PEX6: variants seen among roughly 807,000 people sequenced by gnomAD.
PEX6 encodes the protein peroxisomal biogenesis factor 6, also known as peroxisome biogenesis factor 6.
A neutral mutation model predicts 85.6 loss-of-function variants in PEX6; 55 were observed. The ratio of observed to expected loss-of-function variants is 0.64; its 90% CI spans 0.52 to 0.80. PEX6 has a LOEUF of 0.80. Ranked by LOEUF, PEX6 falls within the 30% of genes least tolerant of loss-of-function variation. The pLI is 0.00. For synonymous variants in PEX6, 519 were observed against 549.1 expected (o/e 0.95, Z 0.77); for missense variants, 1,099 against 1,260.3 (o/e 0.87, Z 1.94).
At position 42,966,380 on chromosome 6, in the gene PEX6, A is replaced by G; in HGVS notation, c.2162T>C (p.Ile721Thr). The part of the protein sequence containing the change: ...QEVKKEILET[I>T]QLPLEHPELL... Reference sequence around the variant, plus strand: ...CTCAGGGTGCTCCAGGGGGAGCTGAATGGTCTCCAGGATCTCCTTCTTCAC... The same window carrying G: ...CTCAGGGTGCTCCAGGGGGAGCTGAGTGGTCTCCAGGATCTCCTTCTTCAC... Residue 721 changes from isoleucine (I) to threonine (T), a missense_variant, in exon 11 of 17, where the codon ATT becomes ACT. Coordinates refer to ENST00000304611, the MANE Select transcript of PEX6 (RefSeq NM_000287.4). 1.9e-6 allele frequency: 3 copies of G among 1,614,044 alleles called. No homozygotes were observed. The highest frequency in any genetic ancestry group is 4.5e-5 in the East Asian group (2 of 44,872).
chr6:42,968,319 G>A lies in PEX6; in HGVS notation c.1659C>T (p.His553=), dbSNP rs1406080386. Residue 553 remains histidine, a synonymous_variant, in exon 7 of 17, where the codon CAC becomes CAT. Coordinates refer to ENST00000304611, the MANE Select transcript of PEX6 (RefSeq NM_000287.4). ...EDARVMAVLR[H]LLLNEDPLNS... ...TGAGGGGGTCCTCATTGAGGAGGAG[G>A]TGACGCAGCACAGCCATCACACGGG... 4.3e-6 allele frequency: 7 copies of A among 1,614,174 alleles called. No homozygotes were observed. The highest frequency in any genetic ancestry group is 5.9e-6 in the Non-Finnish European group (7 of 1,180,044).
rs775005528 is a variant in PEX6 at position 42,967,570 on chromosome 6, A to T, written c.1689-7T>A. 6.3e-7 allele frequency: 1 copy of T among 1,593,798 alleles called. No homozygotes were observed. The highest frequency in any genetic ancestry group is 8.5e-7 in the Non-Finnish European group (1 of 1,171,314). On this transcript the variant is annotated splice_polypyrimidine_tract_variant and splice_region_variant and intron_variant, in intron 7 of 16. Coordinates refer to ENST00000304611, the MANE Select transcript of PEX6 (RefSeq NM_000287.4). ...AACCATGAGGGGAGGGCAGCTGCAG[A>T]CAGAGGAGTGGGCACTGAGGGTGAG... is the stretch of plus-strand genomic sequence containing the variant.
At chr6:42,969,834 A>G in intron 4 of PEX6, 33 bp from the exon 5 acceptor site, 1 of 1,614,016 alleles carries the variant, frequency 6.2e-7, no homozygotes, top group African/African-American at 1.3e-5. Flanking sequence ...TTCGTTTCTA[A>G]AAATCGTTTC....
In PEX6 at chr6:42,965,101, T is replaced by C. The variant is rs2114237030; in HGVS notation, c.2640A>G (p.Leu880=). ...VGANEDRASQ[L]RVLSAITRKF... is the part of the protein sequence containing the mutation. Reference sequence around the variant, plus strand: ...TGCGTGTGATGGCACTTAGAACGCGTAGCTGGGAGGCCCGGTCCTCATTTG... The same window carrying C: ...TGCGTGTGATGGCACTTAGAACGCGCAGCTGGGAGGCCCGGTCCTCATTTG... Residue 880 remains leucine (L), a synonymous_variant, in exon 15 of 17, where the codon CTA becomes CTG. Transcript: ENST00000304611. This position sits in a 1 kb window ranked among gnomAD's most constrained non-coding sequence, Gnocchi z 5.0. 6.2e-7 allele frequency: 1 copy of C among 1,614,190 alleles called. No homozygotes were observed. Among genetic ancestry groups the C allele is most frequent in the Non-Finnish European group, 8.5e-7 (1 of 1,180,018 alleles).
chr6:42,964,395 T>A lies in PEX6; in HGVS notation c.2883A>T (p.Ser961=), dbSNP rs369656844. The A allele has an allele frequency of 6.2e-7, 1 of 1,613,868 alleles. No individual in the cohort carries two copies. The highest frequency in any genetic ancestry group is 8.5e-7 in the Non-Finnish European group (1 of 1,180,018). Residue 961 remains serine, a synonymous_variant, in exon 17 of 17, where the codon TCA becomes TCT. Transcript: ENST00000304611. The surrounding 1 kb of genome is among the most constrained non-coding windows in gnomAD (Gnocchi z 4.6). ...ACCGGAGCAGCTCCTGCTCACTGACTGAGGGTTGCAGCCGGGCGGCAGCCT... is the reference window on the plus strand; with the variant it reads ...ACCGGAGCAGCTCCTGCTCACTGACAGAGGGTTGCAGCCGGGCGGCAGCCT... ...LLQAAARLQP[S]VSEQELLRYK...
At chr6:42,974,604 C>T (rs375035498) in intron 2 of PEX6, among the ~76,000 whole-genome samples, 1 of 151,456 alleles carries the variant, frequency 6.6e-6, no homozygotes, top group Non-Finnish European at 1.5e-5. Context: ...ACTACAGGCG[C>T]CCACCACCAC....
In PEX6 at chr6:42,964,893, C is replaced by T; in HGVS notation, c.2703G>A (p.Val901=). Residue 901 remains valine, a synonymous_variant, in exon 16 of 17, where the codon GTG becomes GTA. Transcript: ENST00000304611. The surrounding 1 kb of genome is among the most constrained non-coding windows in gnomAD (Gnocchi z 4.6). ...TCAGCTGGGGAGGGCAGCAATCTAG[C>T]ACGTTTACCAGGCTCACAGATGGCT... ...KLEPSVSLVN[V]LDCCPPQLTG... The T allele has an allele frequency of 6.2e-7, 1 of 1,614,198 alleles. No individual in the cohort carries two copies. Among genetic ancestry groups the T allele is most frequent in the Non-Finnish European group, 8.5e-7 (1 of 1,180,044 alleles).
chr6:42,978,674 C>G lies in PEX6; in HGVS notation c.477G>C (p.Glu159Asp). The G allele has an allele frequency of 6.4e-7, 1 of 1,560,202 alleles. No individual in the cohort carries two copies. Among genetic ancestry groups the G allele is most frequent in the Non-Finnish European group, 8.6e-7 (1 of 1,160,432 alleles). ...LGPGTRLAVTELRGRARLCPE... is the reference protein window; with the variant it reads ...LGPGTRLAVTDLRGRARLCPE... ...GACACAGTCTGGCCCGCCCGCGGAGCTCAGTCACAGCCAGCCGAGTCCCTG... is the reference window on the plus strand; with the variant it reads ...GACACAGTCTGGCCCGCCCGCGGAGGTCAGTCACAGCCAGCCGAGTCCCTG... Residue 159 changes from glutamate to aspartate, a missense_variant, in exon 1 of 17, where the codon GAG becomes GAC. Around this residue, in one of 3 missense-constraint regions of PEX6, gnomAD observed 579 missense variants for 611.6 expected, o/e 0.95. Transcript: ENST00000304611.
intron 1 of PEX6, among the ~76,000 whole-genome samples, chr6:42,975,351 C>A (rs1770245177): frequency 6.6e-6 from 1 of 152,192 alleles, no homozygotes; most frequent in African/African-American, 2.4e-5. Flanking sequence ...CTATTAGTGA[C>A]ACCAGGCATC....
chr6:42,974,000 T>C lies in PEX6; in HGVS notation c.1130+3A>G, dbSNP rs1770163771. 1.2e-6 allele frequency: 2 copies of C among 1,609,016 alleles called. No individual in the cohort carries two copies. The highest frequency in any genetic ancestry group is 1.1e-5 in the South Asian group (1 of 90,998). ...AGCTGTAGGACAGAAGGCAGCTGCA[T>C]ACCTGGGCAGTTTCTCTGGACTTCC... On this transcript the variant is annotated splice_donor_region_variant and intron_variant, in intron 3 of 16. Coordinates refer to ENST00000304611, the MANE Select transcript of PEX6 (RefSeq NM_000287.4).
chr6:42,965,855 A>G lies in PEX6; in HGVS notation c.2363-66T>C, dbSNP rs531458369. On this transcript the variant is annotated intron_variant, in intron 12 of 16. Transcript: ENST00000304611. This position sits in a 1 kb window ranked among gnomAD's most constrained non-coding sequence, Gnocchi z 5.0. Reference sequence around the variant, plus strand: ...TTGTGGGGGGTTGAAGTTAGGTGAGAGCAGGGAGGGAAACTGGGGCCTGAC... The same window carrying G: ...TTGTGGGGGGTTGAAGTTAGGTGAGGGCAGGGAGGGAAACTGGGGCCTGAC... 6.9e-7 allele frequency: 1 copy of G among 1,445,134 alleles called. No homozygotes were observed. The highest frequency in any genetic ancestry group is 1.4e-5 in the African/African-American group (1 of 71,736). 89.5% of individuals were successfully genotyped at this position (1,445,134 alleles called of 1,614,324 possible). A position where few individuals can be genotyped will look rare whatever the true frequency, so the allele number is the denominator to read the frequency against.
rs368299692 is a variant in PEX6, at chr6:42,964,310, C to G, written c.*25G>C. ...TCAAGGTACCTGCAGCCATGCTGAG[C>G]GGGGTCCCAGACCCTGGGGGGCTCC... is the stretch of plus-strand genomic sequence containing the variant. On this transcript the variant is annotated 3_prime_UTR_variant, in exon 17 of 17. Transcript: ENST00000304611. The surrounding 1 kb of genome is among the most constrained non-coding windows in gnomAD (Gnocchi z 4.6). 3 of 1,612,780 alleles carry G rather than the reference C, an allele frequency of 1.9e-6. No individual in the cohort carries two copies. The highest frequency in any genetic ancestry group is 1.7e-5 in the Admixed American group (1 of 60,008).
chr6:42,978,770 G>A lies in PEX6; in HGVS notation c.381C>T (p.Arg127=), dbSNP rs1377750772. The A allele has an allele frequency of 1.3e-6, 2 of 1,534,906 alleles. No homozygotes were observed. The highest frequency in any genetic ancestry group is 2.4e-5 in the South Asian group (2 of 84,068). The change falls in exon 1 of 17, where the codon CGC becomes CGT. Residue 127 remains arginine (R), a synonymous_variant. Transcript: ENST00000304611. ...GTCCGGGCACTGGGAGGGTCTCTCCGCGCCTCACCAGCAGCGGCCCGACTC... is the reference window on the plus strand; with the variant it reads ...GTCCGGGCACTGGGAGGGTCTCTCCACGCCTCACCAGCAGCGGCCCGACTC... ...GPRVGPLLVR[R]GETLPVPGPR... is the part of the protein sequence containing the mutation.
At chr6:42,977,296 A>G (rs12524654) in intron 1 of PEX6, among the ~76,000 whole-genome samples, 7,068 of 139,088 alleles carry the variant, frequency 0.051, 383 homozygotes, top group South Asian at 0.15. Context: ...TCTGTCGTCC[A>G]GGCTGGAGTG....
rs755834884 is a variant in PEX6 at position 42,965,207 on chromosome 6, G to A, written c.2588+45C>T. On this transcript the variant is annotated intron_variant, in intron 14 of 16. Coordinates refer to ENST00000304611, the MANE Select transcript of PEX6 (RefSeq NM_000287.4). This position sits in a 1 kb window ranked among gnomAD's most constrained non-coding sequence, Gnocchi z 5.0. ...AGGGAGCCCAGCCATGAGGGGTGAA[G>A]GAGGCACAAAATGAGGGTGGAGATG... The A allele has an allele frequency of 6.2e-6, 10 of 1,608,682 alleles. No individual in the cohort carries two copies. The highest frequency in any genetic ancestry group is 8.5e-6 in the Non-Finnish European group (10 of 1,174,980).
At chr6:42,970,031 A>C in intron 3 of PEX6, 44 bp from the exon 4 acceptor site, 2 of 1,485,424 alleles carry the variant, frequency 1.3e-6, no homozygotes, top group Non-Finnish European at 1.9e-6. Flanking sequence ...AGAGTCCAAA[A>C]ACCCCCCTCC....
intron 1 of PEX6, among the ~76,000 whole-genome samples, chr6:42,976,475 G>A (rs1005746530): frequency 6.6e-6 from 1 of 152,098 alleles, no homozygotes; most frequent in Non-Finnish European, 1.5e-5. Flanking sequence ...CGATTCTCCT[G>A]CTTCAGCCTC....
chr6:42,967,585 C>T (rs763725492), intron 7 of PEX6, 22 bp from the exon 8 acceptor site: 3 of 1,582,608 alleles, frequency 1.9e-6, no homozygotes. Context: ...GGAGTGGGCA[C>T]TGAGGGTGAG....
At chr6:42,966,475 A>C (rs1390877739) in intron 10 of PEX6, 28 bp from the exon 11 acceptor site, 4 of 1,613,966 alleles carry the variant, frequency 2.5e-6, no homozygotes, top group Non-Finnish European at 3.4e-6. Flanking sequence ...CGTGGTTGGG[A>C]TATGCTCTTG....
Sources: allele counts gnomAD v4.1 joint callset (sites outside exome capture counted in the v4.1 genomes callset), GRCh38; gene constraint gnomAD v4.1.1; regional missense constraint gnomAD v4.1.1; non-coding constraint Gnocchi (gnomAD v3.1); transcripts MANE v1.5; gene names NCBI Gene and HGNC (gene_info 2026-07-23, HGNC 2026-07-21).